CHRDL2: variants seen among roughly 807,000 people sequenced by gnomAD.
The protein encoded by CHRDL2 is chordin like 2.
CHRDL2 carries 41 observed loss-of-function variants against 54.3 expected under a neutral mutation model. The ratio of observed to expected loss-of-function variants is 0.76; its 90% CI spans 0.59 to 0.98. CHRDL2 has a LOEUF of 0.98. Among genes scored for constraint, CHRDL2 ranks in the 50% least tolerant of loss-of-function variants. CHRDL2 has a pLI of 0.00. For synonymous variants in CHRDL2, 220 were observed against 224.3 expected (o/e 0.98, Z 0.17); for missense variants, 518 against 562.4 (o/e 0.92, Z 0.80).
In CHRDL2 at chr11:74,697,197, G is replaced by C. The variant is rs2033627162; in HGVS notation, c.1213+8C>G. 1 of 1,610,846 alleles carries C rather than the reference G, an allele frequency of 6.2e-7. No individual in the cohort carries two copies. The highest frequency in any genetic ancestry group is 8.5e-7 in the Non-Finnish European group (1 of 1,177,694). On this transcript the variant is annotated splice_region_variant and intron_variant, in intron 10 of 10. Transcript: ENST00000376332. ...GCCCCGGCCCCATTCCTCAGCCCAA[G>C]CTCCTACCTTCGTGGGGGCCAGCGA...
intron 1 of CHRDL2, among the ~76,000 whole-genome samples, chr11:74,726,416 T>C (rs1291013502): frequency 6.6e-6 from 1 of 152,114 alleles, no homozygotes; most frequent in East Asian, 1.9e-4. Flanking sequence ...TAGGCAGGAC[T>C]AGAAGAAATG....
rs139789833 is a variant in CHRDL2, at chr11:74,717,886, A to G, written c.195+834T>C. 8.7e-3 allele frequency among the ~76,000 whole-genome samples: 1,323 copies of G among 152,270 alleles called. 26 individuals are homozygous for G. Among genetic ancestry groups the G allele is most frequent in the African/African-American group, 0.03 (1,239 of 41,546 alleles). ...GCTCCAGGCAGCTGAGCTAAAGCCA[A>G]GGGTTTTTCAGGCCTCCTAAGCCAC... On this transcript the variant is annotated intron_variant, in intron 2 of 10. Coordinates refer to ENST00000376332, the MANE Select transcript of CHRDL2 (RefSeq NM_001278473.3).
chr11:74,724,789 C>T (rs1002951172), intron 1 of CHRDL2, among the ~76,000 whole-genome samples: 8 of 152,192 alleles, frequency 5.3e-5, no homozygotes, highest in African/African-American at 1.9e-4. Context: ...ATTAGAGGTA[C>T]TTCTTAAGTA....
intron 9 of CHRDL2, among the ~76,000 whole-genome samples, chr11:74,701,801 C>A (rs192442374): frequency 1.3e-5 from 2 of 152,142 alleles, no homozygotes; most frequent in African/African-American, 4.8e-5. Flanking sequence ...CTTCCACCCC[C>A]ACCCCGCCAG....
At position 74,708,722 on chromosome 11, in the gene CHRDL2, C is replaced by T. The variant is rs1211705373; in HGVS notation, c.433-327G>A. ...AGCCGGAGCGGGGCCTGAGCCATCT[C>T]AGGTTAGAAAGACAGTTGGGGCCCA... On this transcript the variant is annotated intron_variant, in intron 4 of 10. Coordinates refer to ENST00000376332, the MANE Select transcript of CHRDL2 (RefSeq NM_001278473.3). 2.0e-5 allele frequency among the ~76,000 whole-genome samples: 3 copies of T among 152,236 alleles called. No homozygotes were observed. The East Asian group carries it at 5.8e-4, about 29-fold the overall frequency.
chr11:74,711,764 T>C (rs1343582759), intron 3 of CHRDL2, among the ~76,000 whole-genome samples: 1 of 152,056 alleles, frequency 6.6e-6, no homozygotes, highest in African/African-American at 2.4e-5. Flanking sequence ...CACTTGACTC[T>C]AGGAGTTCGA....
intron 4 of CHRDL2, among the ~76,000 whole-genome samples, chr11:74,710,077 G>A (rs1262737837): frequency 2.0e-5 from 3 of 152,070 alleles, no homozygotes; most frequent in Non-Finnish European, 2.9e-5. Flanking sequence ...TTAGCTGGGC[G>A]TGGTGGTGGG....
At chr11:74,715,489 G>C (rs763453521) in intron 2 of CHRDL2, among the ~76,000 whole-genome samples, 1 of 151,920 alleles carries the variant, frequency 6.6e-6, no homozygotes, top group Non-Finnish European at 1.5e-5. Context: ...TGTAATCCCA[G>C]CTACTTGGGA....
chr11:74,707,112 G>A (rs1447728679), intron 5 of CHRDL2, among the ~76,000 whole-genome samples: 1 of 152,152 alleles, frequency 6.6e-6, no homozygotes, highest in African/African-American at 2.4e-5. Context: ...TCCTAAACCC[G>A]AGTGGGCCTC....
chr11:74,719,741 C>T (rs17133418), intron 1 of CHRDL2, among the ~76,000 whole-genome samples: 3,242 of 152,314 alleles, frequency 0.021, 121 homozygotes, highest in African/African-American at 0.075. Context: ...CTAAGAATTA[C>T]TAAAATCGTT....
intron 2 of CHRDL2, among the ~76,000 whole-genome samples, chr11:74,714,706 C>G (rs1394976339): frequency 6.6e-6 from 1 of 152,242 alleles, no homozygotes; most frequent in Non-Finnish European, 1.5e-5. Flanking sequence ...AGAGGATAAA[C>G]CAGACACTAG....
At chr11:74,725,730 G>C (rs777066224) in intron 1 of CHRDL2, among the ~76,000 whole-genome samples, 2 of 152,172 alleles carry the variant, frequency 1.3e-5, no homozygotes, top group African/African-American at 2.4e-5. Flanking sequence ...CAAGACCTTG[G>C]AAAGGGCATC....
chr11:74,711,801 T>C (rs1019999963), intron 3 of CHRDL2, among the ~76,000 whole-genome samples: 5 of 128,002 alleles, frequency 3.9e-5, no homozygotes, highest in African/African-American at 1.8e-4. Context: ...ATTTTTTAAA[T>C]TTTTTTTCCT....
At chr11:74,699,335 T>C (rs1461673222) in intron 9 of CHRDL2, 1 of 152,276 alleles carries the variant, frequency 6.6e-6, no homozygotes, top group Non-Finnish European at 1.5e-5. Context: ...CTGAGGGTCA[T>C]GGTTGTGCCT....
At chr11:74,726,289 G>A (rs1312660214) in intron 1 of CHRDL2, among the ~76,000 whole-genome samples, 4 of 152,194 alleles carry the variant, frequency 2.6e-5, no homozygotes, top group Admixed American at 2.6e-4. Context: ...TTCCTTTGTG[G>A]GAAATTGAGT....
rs372735364 is a variant in CHRDL2, at chr11:74,712,525, C to A, written c.289+861G>T. On this transcript the variant is annotated intron_variant, in intron 3 of 10. Transcript: ENST00000376332. ...CAGGATGAAGCTGAGAGCCACTGTC[C>A]CCCCGGGGACCCACAGCCAGGAATC... 5.9e-5 allele frequency among the ~76,000 whole-genome samples: 9 copies of A among 152,122 alleles called. No individual in the cohort carries two copies. The East Asian group carries it at 1.7e-3, about 29-fold the overall frequency.
chr11:74,704,440 G>A (rs919602254), intron 7 of CHRDL2, 46 bp downstream of exon 7: 2 of 1,561,552 alleles, frequency 1.3e-6, no homozygotes, highest in Middle Eastern at 1.7e-4. Context: ...AGCAGTCAGG[G>A]CCCCCCTTCC....
chr11:74,726,924 C>T (rs2034581236), intron 1 of CHRDL2, among the ~76,000 whole-genome samples: 1 of 152,164 alleles, frequency 6.6e-6, no homozygotes, highest in Admixed American at 6.5e-5. Flanking sequence ...TCCCCTCTGG[C>T]CGGTCTCCCA....
At chr11:74,707,696 C>T (rs1477156910) in intron 5 of CHRDL2, among the ~76,000 whole-genome samples, 1 of 152,012 alleles carries the variant, frequency 6.6e-6, no homozygotes, top group African/African-American at 2.4e-5. Context: ...ACTGCAGCAG[C>T]AGCCCCCCTG....
Sources: gnomAD v4.1 joint callset for allele counts (sites outside exome capture counted in the v4.1 genomes callset) on GRCh38, gnomAD v4.1.1 for gene constraint, MANE v1.5 for transcripts, NCBI Gene and HGNC (gene_info 2026-07-23, HGNC 2026-07-21) for gene names.